ELMO1: variants seen among roughly 807,000 people sequenced by gnomAD.
The protein encoded by ELMO1 is engulfment and cell motility protein 1.
Under a neutral mutation model 98.9 loss-of-function variants are expected in ELMO1, and 26 were observed. The observed-to-expected ratio is 0.26, with a 90% confidence interval of 0.19 to 0.36. ELMO1 has a LOEUF of 0.36. Among genes scored for constraint, ELMO1 ranks in the 10% least tolerant of loss-of-function variants. ELMO1 has a pLI of 1.00. For synonymous variants in ELMO1, 346 were observed against 346.0 expected (o/e 1.00, Z 0.00); for missense variants, 627 against 935.2 (o/e 0.67, Z 4.30).
chr7:36,911,575 G>T (rs192461550), intron 16 of ELMO1, among the ~76,000 whole-genome samples: 1 of 152,274 alleles, frequency 6.6e-6, no homozygotes, highest in Admixed American at 6.5e-5. Context: ...CTTTAAGCAG[G>T]TTTATAAATG....
At chr7:37,389,445 GTTTTTCCCTCCA>G (rs1802966765) in intron 1 of ELMO1, among the ~76,000 whole-genome samples, 1 of 152,158 alleles carries the variant, frequency 6.6e-6, no homozygotes, top group Admixed American at 6.5e-5. Context: ...AAAGTTGAGT[GTTTTTCCCTCCA>G]TTGTGTTGAT....
chr7:37,404,012 T>C (rs1168006410), intron 1 of ELMO1, among the ~76,000 whole-genome samples: 1 of 152,158 alleles, frequency 6.6e-6, no homozygotes, highest in Non-Finnish European at 1.5e-5. Flanking sequence ...CAGGCATATA[T>C]TGGAACTCAC....
chr7:37,100,289 C>A (rs1464719365), intron 14 of ELMO1, among the ~76,000 whole-genome samples: 1 of 152,234 alleles, frequency 6.6e-6, no homozygotes, highest in African/African-American at 2.4e-5. Flanking sequence ...CTGAAGATGA[C>A]AATTCCTCAT....
At chr7:36,984,813 G>A in intron 16 of ELMO1, 3 of 788,350 alleles carry the variant, frequency 3.8e-6, no homozygotes, top group Non-Finnish European at 4.6e-6. Context: ...GTAACATGAT[G>A]AATCCTCAAA....
intron 13 of ELMO1, among the ~76,000 whole-genome samples, chr7:37,165,845 G>A (rs1053466555): frequency 3.8e-4 from 58 of 152,254 alleles, no homozygotes; most frequent in African/African-American, 1.3e-3. Context: ...GATGATGCTG[G>A]CCTCATAAAA....
intron 6 of ELMO1, among the ~76,000 whole-genome samples, chr7:37,255,979 G>A (rs904113898): frequency 2.0e-5 from 3 of 152,048 alleles, no homozygotes; most frequent in African/African-American, 4.8e-5. Flanking sequence ...ATAACAACTC[G>A]TCCTCCTCCT....
intron 16 of ELMO1, among the ~76,000 whole-genome samples, chr7:36,933,854 C>T (rs1458439237): frequency 6.6e-6 from 1 of 152,206 alleles, no homozygotes; most frequent in African/African-American, 2.4e-5. Flanking sequence ...CAGGGCTCAC[C>T]TCGGAGTATC....
chr7:37,236,876 G>C (rs186895484), intron 7 of ELMO1, among the ~76,000 whole-genome samples: 1 of 152,268 alleles, frequency 6.6e-6, no homozygotes, highest in Non-Finnish European at 1.5e-5. Context: ...CTCCAAACCG[G>C]GAAAGCAGAA....
At chr7:37,318,527 T>C (rs568861994) in intron 2 of ELMO1, among the ~76,000 whole-genome samples, 2 of 152,174 alleles carry the variant, frequency 1.3e-5, no homozygotes, top group South Asian at 2.1e-4. Context: ...GATTCATAGA[T>C]AGAGAATCAA....
chr7:37,399,382 C>G (rs764863929), intron 1 of ELMO1, among the ~76,000 whole-genome samples: 1 of 152,124 alleles, frequency 6.6e-6, no homozygotes, highest in Admixed American at 6.5e-5. Flanking sequence ...CTGAAGGGAC[C>G]ACCAATTTTG....
chr7:36,954,849 C>A (rs1202308842), intron 16 of ELMO1, among the ~76,000 whole-genome samples: 1 of 152,178 alleles, frequency 6.6e-6, no homozygotes, highest in South Asian at 2.1e-4. Context: ...GTCCTAATCA[C>A]ATTAAATTAG....
intron 16 of ELMO1, among the ~76,000 whole-genome samples, chr7:36,982,910 C>T (rs1791191738): frequency 6.6e-6 from 1 of 152,200 alleles, no homozygotes; most frequent in African/African-American, 2.4e-5. Flanking sequence ...GCCATCAATC[C>T]TCCCTCAAAC....
intron 16 of ELMO1, among the ~76,000 whole-genome samples, chr7:36,932,608 T>C (rs1438965636): frequency 6.6e-6 from 1 of 152,244 alleles, no homozygotes; most frequent in African/African-American, 2.4e-5. Context: ...TGGAAGGTTC[T>C]ATGGAGTCTT....
chr7:37,380,514 C>T (rs1229171341), intron 1 of ELMO1, among the ~76,000 whole-genome samples: 1 of 152,176 alleles, frequency 6.6e-6, no homozygotes, highest in Non-Finnish European at 1.5e-5. Context: ...ATGTGTTGCC[C>T]TGGCATAATG....
chr7:36,965,514 G>A (rs1789345661), intron 16 of ELMO1, among the ~76,000 whole-genome samples: 1 of 152,096 alleles, frequency 6.6e-6, no homozygotes, highest in Non-Finnish European at 1.5e-5. Flanking sequence ...TGCTCAACCT[G>A]GTTTCCCTCA....
intron 1 of ELMO1, among the ~76,000 whole-genome samples, chr7:37,446,932 G>A (rs1011132755): frequency 6.6e-6 from 1 of 152,142 alleles, no homozygotes; most frequent in Non-Finnish European, 1.5e-5. Context: ...GCTTCAAAAG[G>A]TCAGCTATAA....
intron 16 of ELMO1, among the ~76,000 whole-genome samples, chr7:36,918,495 C>A (rs1784883364): frequency 6.6e-6 from 1 of 152,118 alleles, no homozygotes; most frequent in South Asian, 2.1e-4. Context: ...CACAGTCACC[C>A]AGGGGATTCA....
chr7:37,083,248 C>T (rs1165602420), intron 15 of ELMO1, among the ~76,000 whole-genome samples: 2 of 152,128 alleles, frequency 1.3e-5, no homozygotes, highest in Non-Finnish European at 1.5e-5. Context: ...AAGGGTAGGT[C>T]CAAACTTGGG....
At chr7:37,430,471 G>A (rs1804887790) in intron 1 of ELMO1, among the ~76,000 whole-genome samples, 1 of 152,232 alleles carries the variant, frequency 6.6e-6, no homozygotes, top group African/African-American at 2.4e-5. Context: ...GCTTCTCCCA[G>A]ACAGACCTTA....
Sources: gnomAD v4.1 joint callset for allele counts (sites outside exome capture counted in the v4.1 genomes callset) on GRCh38, gnomAD v4.1.1 for gene constraint, MANE v1.5 for transcripts, NCBI Gene and HGNC (gene_info 2026-07-23, HGNC 2026-07-21) for gene names.